SHBG: variants seen among roughly 807,000 people sequenced by gnomAD.
The protein encoded by SHBG is sex hormone binding globulin.
SHBG carries 37 observed loss-of-function variants against 41.9 expected under a neutral mutation model. The observed-to-expected ratio is 0.88, with a 90% confidence interval of 0.68 to 1.16. The LOEUF is 1.16. SHBG is among the 50% of genes most tolerant of loss of function. SHBG has a pLI of 0.00. For missense variants in SHBG, 466 were observed against 499.9 expected (o/e 0.93, Z 0.65); for synonymous variants, 217 against 205.8 (o/e 1.05, Z -0.47).
intron 1 of SHBG, among the ~76,000 whole-genome samples, chr17:7,621,876 G>T (rs1214089096): frequency 5.9e-5 from 9 of 151,342 alleles, no homozygotes; most frequent in Admixed American, 2.0e-4. Flanking sequence ...TTGCTCTGTT[G>T]CCCAGGCTGG....
upstream of SHBG, among the ~76,000 whole-genome samples, chr17:7,624,907 T>TCCCA (rs1397032817): frequency 6.7e-6 from 1 of 148,290 alleles, no homozygotes; most frequent in African/African-American, 2.5e-5. Flanking sequence ...TTTGCCGGCC[T>TCCCA]CCCAAAATCC....
chr17:7,614,934 C>A (rs1052559904), intron 1 of SHBG: 1 of 152,946 alleles, frequency 6.5e-6, no homozygotes, highest in Non-Finnish European at 1.5e-5. Context: ...GCGCGCGGGG[C>A]CCCGAGGGCC....
At chr17:7,627,174 T>G, upstream of SHBG, 2 of 1,614,156 alleles carry the variant, frequency 1.2e-6, no homozygotes, top group Non-Finnish European at 1.7e-6. The surrounding 1 kb of genome is among the most constrained non-coding windows in gnomAD (Gnocchi z 4.8). Flanking sequence ...GAAGAATCTC[T>G]GCTACCAAAC....
intron 1 of SHBG, among the ~76,000 whole-genome samples, chr17:7,622,459 G>A (rs2072115358): frequency 6.6e-6 from 1 of 151,674 alleles, no homozygotes; most frequent in Admixed American, 6.6e-5. Flanking sequence ...TTTTAGTAGA[G>A]ACAGGGTTTC....
upstream of SHBG, among the ~76,000 whole-genome samples, chr17:7,628,411 G>A (rs942194534): frequency 6.6e-5 from 10 of 151,354 alleles, no homozygotes; most frequent in Admixed American, 2.0e-4. Context: ...CTACAGTCGC[G>A]CACCGGCACG....
chr17:7,630,101 A>G, upstream of SHBG: 1 of 1,302,878 alleles, frequency 7.7e-7, no homozygotes. The surrounding 1 kb of genome is among the most constrained non-coding windows in gnomAD (Gnocchi z 4.6). Flanking sequence ...TCCACCGCCC[A>G]CACGCAAGGC....
exon 1 of SHBG, chr17:7,614,089 G>A (rs1208323749): frequency 4.0e-6 from 2 of 503,396 alleles, no homozygotes; most frequent in Admixed American, 2.3e-5. Flanking sequence ...TGGATCGTGG[G>A]GAAGATGTGA....
chr17:7,616,239 A>G (rs2071984208), intron 1 of SHBG, among the ~76,000 whole-genome samples: 1 of 148,974 alleles, frequency 6.7e-6, no homozygotes, highest in Non-Finnish European at 1.5e-5. Context: ...GAACCTAGGA[A>G]GGTGGAGGTT....
rs749624960 is a variant in SHBG at position 7,630,309 on chromosome 17, G to A, written c.111+26G>A. The A allele has an allele frequency of 6.2e-7, 1 of 1,602,142 alleles. No homozygotes were observed. The highest frequency in any genetic ancestry group is 1.3e-5 in the African/African-American group (1 of 74,694). On this transcript the variant is annotated intron_variant, in intron 1 of 7. Transcript: ENST00000380450. This position sits in a 1 kb window ranked among gnomAD's most constrained non-coding sequence, Gnocchi z 4.6. ...GTGCAGGAGCGGGACAGGGCACTCAGCTCATGCAGTCTTCCCTTCTCTCCT... is the reference window on the plus strand; with the variant it reads ...GTGCAGGAGCGGGACAGGGCACTCAACTCATGCAGTCTTCCCTTCTCTCCT...
chr17:7,630,389 G>A lies in SHBG; in HGVS notation c.112-27G>A. On this transcript the variant is annotated intron_variant, in intron 1 of 7. Transcript: ENST00000380450. This position sits in a 1 kb window ranked among gnomAD's most constrained non-coding sequence, Gnocchi z 4.6. Reference sequence around the variant, plus strand: ...TCTGTCTCTGACATGTCCCTACTCAGCTTTGTTTGTTTTCTCTTTCTGATA... The same window carrying A: ...TCTGTCTCTGACATGTCCCTACTCAACTTTGTTTGTTTTCTCTTTCTGATA... The A allele has an allele frequency of 6.2e-7, 1 of 1,609,490 alleles. No individual in the cohort carries two copies. Among genetic ancestry groups the A allele is most frequent in the South Asian group, 1.1e-5 (1 of 90,968 alleles).
chr17:7,619,435 C>T (rs545097227), intron 1 of SHBG, among the ~76,000 whole-genome samples: 8 of 148,332 alleles, frequency 5.4e-5, no homozygotes, highest in African/African-American at 9.9e-5. Context: ...AAGGCTGGTG[C>T]GGTGGCTCAT....
chr17:7,619,261 A>C (rs57828263), intron 1 of SHBG, among the ~76,000 whole-genome samples: 48,251 of 151,302 alleles, frequency 0.32, 8,047 homozygotes, highest in African/African-American at 0.41. Flanking sequence ...GTGGTGGCAC[A>C]TGCCTGTAAT....
chr17:7,630,218 C>T lies in SHBG; in HGVS notation c.46C>T (p.Leu16=). The T allele has an allele frequency of 3.1e-6, 5 of 1,613,152 alleles. No individual in the cohort carries two copies. The highest frequency in any genetic ancestry group is 4.2e-6 in the Non-Finnish European group (5 of 1,179,568). The stretch of plus-strand genomic sequence containing the variant: ...GGCTACCTCGCGCCTGCTGCTGTTG[C>T]TGCTGTTGCTACTACTGCGTCACAC... The part of the protein sequence containing the change: ...PLATSRLLLL[L]LLLLLRHTRQ... Residue 16 remains leucine, a synonymous_variant, in exon 1 of 8, where the codon CTG becomes TTG. Transcript: ENST00000380450. This position sits in a 1 kb window ranked among gnomAD's most constrained non-coding sequence, Gnocchi z 4.6.
Position 7,631,227 on chromosome 17 carries a change from G to C in SHBG, c.421G>C (p.Val141Leu). The change falls in exon 4 of 8, where the codon GTG becomes CTG. Residue 141 changes from valine to leucine, a missense_variant. Coordinates refer to ENST00000380450, the MANE Select transcript of SHBG (RefSeq NM_001040.5). ...GGAAGTCAAGATGGAGGGGGACTCTGTGCTGCTGGAGGTGGATGGGGAGGA... is the reference window on the plus strand; with the variant it reads ...GGAAGTCAAGATGGAGGGGGACTCTCTGCTGCTGGAGGTGGATGGGGAGGA... ...QVEVKMEGDSVLLEVDGEEVL... is the reference protein window; with the variant it reads ...QVEVKMEGDSLLLEVDGEEVL... The C allele has an allele frequency of 1.3e-6, 2 of 1,590,430 alleles. No homozygotes were observed. Among genetic ancestry groups the C allele is most frequent in the Non-Finnish European group, 1.7e-6 (2 of 1,168,514 alleles).
rs1169805400 is a variant in SHBG, at chr17:7,630,600, TGAACA to T, written c.204-79_204-75del. 3.9e-6 allele frequency: 6 copies of T among 1,537,712 alleles called. No individual in the cohort carries two copies. The highest frequency in any genetic ancestry group is 1.4e-5 in the African/African-American group (1 of 73,340). On this transcript the variant is annotated intron_variant, in intron 2 of 7. Coordinates refer to ENST00000380450, the MANE Select transcript of SHBG (RefSeq NM_001040.5). This position sits in a 1 kb window ranked among gnomAD's most constrained non-coding sequence, Gnocchi z 4.6. Reference sequence around the variant, plus strand: ...TTCCCTGTCTTCCTTTCCTTATCTGTGAACACCATCTCCCCCAAACCCACACTGGT... The same window carrying T: ...TTCCCTGTCTTCCTTTCCTTATCTGTCCATCTCCCCCAAACCCACACTGGT...
chr17:7,633,082 TG>T (rs2150971307), intron 7 of SHBG, 121 bp from the exon 8 acceptor site: 7 of 1,406,946 alleles, frequency 5.0e-6, no homozygotes, highest in Non-Finnish European at 5.0e-6. Flanking sequence ...GAAGAAGATA[TG>T]GGGGCAGTGG....
chr17:7,629,636 T>G (rs2072335822), upstream of SHBG, among the ~76,000 whole-genome samples: 1 of 152,150 alleles, frequency 6.6e-6, no homozygotes, highest in Non-Finnish European at 1.5e-5. Context: ...ATTTTCTCAA[T>G]GAACCCTCTT....
upstream of SHBG, chr17:7,629,945 G>A (rs959252124): frequency 1.7e-6 from 1 of 606,060 alleles, no homozygotes; most frequent in Non-Finnish European, 3.0e-6. Context: ...CGGCAGTGGA[G>A]GATGATAGTG....
upstream of SHBG, among the ~76,000 whole-genome samples, chr17:7,623,807 G>C (rs527304654): frequency 3.9e-5 from 6 of 152,042 alleles, no homozygotes; most frequent in African/African-American, 1.4e-4. Flanking sequence ...TGTCACTCAG[G>C]CTGGAGTGTG....
Sources: allele counts gnomAD v4.1 joint callset (sites outside exome capture counted in the v4.1 genomes callset), GRCh38; gene constraint gnomAD v4.1.1; non-coding constraint Gnocchi (gnomAD v3.1); transcripts MANE v1.5; gene names NCBI Gene and HGNC (gene_info 2026-07-23, HGNC 2026-07-21).